The following GLRA1 variants were observed in gnomAD, a reference collection of about 807,000 sequenced individuals.
GLRA1 encodes glycine receptor alpha 1.
A neutral mutation model predicts 48.3 loss-of-function variants in GLRA1; 37 were observed. The observed-to-expected ratio is 0.77, with a 90% CI of 0.59 to 1.01. The LOEUF (loss-of-function observed/expected upper bound fraction) is 1.01, where lower values mean the gene tolerates loss of function less well. GLRA1 is among the 50% of genes least tolerant of loss of function. The pLI is 0.00. For missense variants in GLRA1, 427 were observed against 571.0 expected, an observed-to-expected ratio of 0.75 and a Z score of 2.57; for synonymous variants, 196 against 210.7, an observed-to-expected ratio of 0.93 and a Z score of 0.60.
intron 3 of GLRA1, among the ~76,000 whole-genome samples, chr5:151,867,041 G>A (rs539558146): frequency 7.2e-5 from 11 of 152,286 alleles, no homozygotes; most frequent in African/African-American, 2.6e-4. Context: ...AGCCCATGAG[G>A]TTGAGGCTGT....
chr5:151,923,914 A>G (rs531776339), intron 1 of GLRA1, among the ~76,000 whole-genome samples: 17 of 152,250 alleles, frequency 1.1e-4, no homozygotes, highest in African/African-American at 4.1e-4. Flanking sequence ...AGGTTATAAT[A>G]CTATTGTTTC....
intron 7 of GLRA1, chr5:151,849,099 TTTTCTTTTC>T (rs1257311742): frequency 0.027 from 6,354 of 236,056 alleles, 496 homozygotes; most frequent in Admixed American, 0.031. Context: ...TTTTTATTTC[TTTTCTTTTC>T]TTTCTTTCTT....
intron 3 of GLRA1, among the ~76,000 whole-genome samples, chr5:151,879,504 C>G (rs2113393252): frequency 6.6e-6 from 1 of 152,224 alleles, no homozygotes; most frequent in Non-Finnish European, 1.5e-5. Flanking sequence ...CAGGCTTGCA[C>G]TAAGTCTGGA....
At position 151,855,276 on chromosome 5, in the gene GLRA1, C is replaced by T. The variant is rs930974696; in HGVS notation, c.560-99G>A. On this transcript the variant is annotated intron_variant, in intron 5 of 8. Transcript: ENST00000274576. ...GTTAGAGACTGAGAGAGACATCAGA[C>T]ACTTGATGGAACTTGTGAGACCAGG... is the stretch of plus-strand genomic sequence containing the variant. 9.3e-6 allele frequency: 11 copies of T among 1,186,714 alleles called. No homozygotes were observed. In the African/African-American group the frequency reaches 1.1e-4, roughly 11 times the overall value. 73.5% of individuals were successfully genotyped at this position (1,186,714 alleles called of 1,614,324 possible). A position where few individuals can be genotyped will look rare whatever the true frequency, so the allele number is the denominator to read the frequency against.
intron 3 of GLRA1, among the ~76,000 whole-genome samples, chr5:151,884,382 T>C (rs1039166596): frequency 1.3e-5 from 2 of 150,432 alleles, no homozygotes; most frequent in African/African-American, 4.9e-5. Context: ...TGAGCCGAGA[T>C]CGTGCCACTG....
chr5:151,857,874 G>A (rs1753089302), intron 4 of GLRA1, among the ~76,000 whole-genome samples: 2 of 152,222 alleles, frequency 1.3e-5, no homozygotes, highest in African/African-American at 4.8e-5. Flanking sequence ...GATCATCAAG[G>A]CAACTCCCTC....
At chr5:151,849,219 TTCC>T (rs1434298161) in intron 7 of GLRA1, among the ~76,000 whole-genome samples, 1 of 74,850 alleles carries the variant, frequency 1.3e-5, no homozygotes, top group African/African-American at 8.0e-5. Context: ...CCTTCCTTTC[TTCC>T]TTCCTTCCTT....
At chr5:151,864,732 T>G (rs566805316) in intron 3 of GLRA1, among the ~76,000 whole-genome samples, 51 of 152,282 alleles carry the variant, frequency 3.3e-4, no homozygotes, top group African/African-American at 1.2e-3. Flanking sequence ...ATTGAGCACT[T>G]CTTCACTGTG....
At chr5:151,834,461 G>A (rs542613632) in intron 7 of GLRA1, among the ~76,000 whole-genome samples, 2 of 152,266 alleles carry the variant, frequency 1.3e-5, no homozygotes, top group Admixed American at 6.5e-5. Context: ...GAATCTCTGG[G>A]ACACATCTAA....
chr5:151,882,722 GT>G lies in GLRA1; in HGVS notation c.252+3998del, dbSNP rs76044459. Among the ~76,000 whole-genome samples, 302 of 140,194 alleles carry G rather than the reference GT, an allele frequency of 2.2e-3. 1 individual carries two copies. Among genetic ancestry groups the G allele is most frequent in the East Asian group, 9.9e-3 (47 of 4,756 alleles). 92.0% of individuals were successfully genotyped at this position (140,194 alleles called of 152,430 possible). On this transcript the variant is annotated intron_variant, in intron 3 of 8. Coordinates refer to ENST00000274576, the MANE Select transcript of GLRA1 (RefSeq NM_000171.4). ...AGAGCCAGACTAGGCAATTTCTTAAGTTTTTTTTTTTTTTTAGATCTGAGAG... is the reference window on the plus strand; with the variant it reads ...AGAGCCAGACTAGGCAATTTCTTAAGTTTTTTTTTTTTTTAGATCTGAGAG...
At chr5:151,822,992 TTAAAA>T (rs1763181552) in intron 8 of GLRA1, 29 bp from the exon 9 acceptor site, 1 of 1,566,524 alleles carries the variant, frequency 6.4e-7, no homozygotes, top group Admixed American at 1.8e-5. Context: ...GGGGCTCTAC[TTAAAA>T]TAAGACAGGG....
chr5:151,860,047 C>A (rs1753154882), intron 3 of GLRA1, 39 bp from the exon 4 acceptor site: 1 of 1,494,460 alleles, frequency 6.7e-7, no homozygotes, highest in East Asian at 2.3e-5. Flanking sequence ...CAATGTTAGG[C>A]CCAAGGACAT....
Position 151,916,140 on chromosome 5 carries a change from T to C in GLRA1, c.56+8354A>G, listed in dbSNP as rs1270897704. Among the ~76,000 whole-genome samples the C allele has an allele frequency of 2.0e-5, 3 of 152,344 alleles. No individual in the cohort carries two copies. The East Asian group carries it at 5.8e-4, about 29-fold the overall frequency. Reference sequence around the variant, plus strand: ...ATCTGTATTTGAATCCTGGTTTTACTCTGAGAATAACAGCATGGTTACCTG... The same window carrying C: ...ATCTGTATTTGAATCCTGGTTTTACCCTGAGAATAACAGCATGGTTACCTG... On this transcript the variant is annotated intron_variant, in intron 1 of 8. Transcript: ENST00000274576.
At chr5:151,857,426 C>T (rs570708325) in intron 4 of GLRA1, among the ~76,000 whole-genome samples, 9 of 152,304 alleles carry the variant, frequency 5.9e-5, no homozygotes, top group African/African-American at 2.2e-4. Flanking sequence ...AGGGGCTGCC[C>T]CTGTTCCTTA....
chr5:151,882,365 A>C (rs1440075227), intron 3 of GLRA1, among the ~76,000 whole-genome samples: 2 of 152,214 alleles, frequency 1.3e-5, no homozygotes, highest in South Asian at 4.1e-4. Flanking sequence ...ATCAAGCCTA[A>C]ATTAGGTGAT....
At chr5:151,839,270 A>G (rs772107046) in intron 7 of GLRA1, among the ~76,000 whole-genome samples, 61 of 152,358 alleles carry the variant, frequency 4.0e-4, no homozygotes, top group Non-Finnish European at 8.4e-4. Context: ...AAATAAAAGG[A>G]TGCTAGACAG....
chr5:151,921,895 T>C (rs1428791485), intron 1 of GLRA1, among the ~76,000 whole-genome samples: 1 of 152,246 alleles, frequency 6.6e-6, no homozygotes, highest in Non-Finnish European at 1.5e-5. Context: ...ACACAGTTGA[T>C]GAGCATGCAA....
chr5:151,920,641 A>T (rs1754853245), intron 1 of GLRA1, among the ~76,000 whole-genome samples: 1 of 152,128 alleles, frequency 6.6e-6, no homozygotes, highest in African/African-American at 2.4e-5. Flanking sequence ...TATTTACAGT[A>T]AGAATACTTA....
chr5:151,823,061 G>T, intron 8 of GLRA1, 98 bp from the exon 9 acceptor site: 1 of 1,077,352 alleles, frequency 9.3e-7, no homozygotes, highest in Non-Finnish European at 1.3e-6. Context: ...ATGCCTATCT[G>T]GTTCTCCCTG....
Sources: gnomAD v4.1 joint callset for allele counts (sites outside exome capture counted in the v4.1 genomes callset) on GRCh38, gnomAD v4.1.1 for gene constraint, MANE v1.5 for transcripts, NCBI Gene and HGNC (gene_info 2026-07-23, HGNC 2026-07-21) for gene names.